The following TVP23A variants were observed in gnomAD, a reference collection of about 807,000 sequenced individuals.
TVP23A encodes Golgi apparatus membrane protein TVP23 homolog A.
In TVP23A, 21 loss-of-function variants were observed where a neutral mutation model predicts 31.7. That is an observed-to-expected ratio of 0.66 (90% CI 0.47 to 0.95). The LOEUF is 0.95. Among genes scored for constraint, TVP23A ranks in the 40% least tolerant of loss-of-function variants. TVP23A has a pLI of 0.00. For missense variants in TVP23A, 279 were observed against 255.6 expected, an observed-to-expected ratio of 1.09 and a Z score of -0.62; for synonymous variants, 104 against 96.0, an observed-to-expected ratio of 1.08 and a Z score of -0.49.
At chr16:10,810,062 T>A (rs1304114935) in intron 2 of TVP23A, among the ~76,000 whole-genome samples, 4 of 151,994 alleles carry the variant, frequency 2.6e-5, no homozygotes, top group African/African-American at 4.8e-5. Flanking sequence ...TCAAAAGGAA[T>A]GAAATAATGG....
chr16:10,794,614 G>T lies in TVP23A; in HGVS notation c.90-19518C>A, dbSNP rs554461458. The stretch of plus-strand genomic sequence containing the variant: ...ACACTGGTGCTCAGAGAGGTGACAT[G>T]AGCTTCCCCGAGTGGGAGTAAAGAA... On this transcript the variant is annotated intron_variant, in intron 2 of 7. Coordinates refer to ENST00000299866, the MANE Select transcript of TVP23A (RefSeq NM_001079512.4). Among the ~76,000 whole-genome samples the T allele has an allele frequency of 9.2e-5, 14 of 152,284 alleles. No homozygotes were observed. The East Asian group carries it at 2.7e-3, about 29-fold the overall frequency.
chr16:10,758,019 A>T (rs1428533069), downstream of TVP23A: 1 of 1,612,464 alleles, frequency 6.2e-7, no homozygotes, highest in Non-Finnish European at 8.5e-7. Flanking sequence ...GATCATCACC[A>T]CTCCCCAGGT....
At chr16:10,815,335 C>T (rs1202264402) in intron 2 of TVP23A, among the ~76,000 whole-genome samples, 2 of 152,174 alleles carry the variant, frequency 1.3e-5, no homozygotes, top group Non-Finnish European at 2.9e-5. Flanking sequence ...CTGCTTGAAC[C>T]CAAGAGGCAG....
chr16:10,766,964 TC>T lies in TVP23A; in HGVS notation c.*2137del. ...TCCTGACTCACTGGGCCATATGGGC[TC>T]CCCATCTCCCACCAACCCCTCCCCA... is the stretch of plus-strand genomic sequence containing the variant. On this transcript the variant is annotated 3_prime_UTR_variant, in exon 8 of 8. Transcript: ENST00000299866. The surrounding 1 kb of genome is among the most constrained non-coding windows in gnomAD (Gnocchi z 4.8). The T allele has an allele frequency of 2.5e-6, 1 of 398,646 alleles. No individual in the cohort carries two copies. Among genetic ancestry groups the T allele is most frequent in the Non-Finnish European group, 4.4e-6 (1 of 226,110 alleles). The allele number at this position is 398,646 out of a possible 1,614,324, so 24.7% of individuals were successfully genotyped here. A position where few individuals can be genotyped will look rare whatever the true frequency, so the allele number is the denominator to read the frequency against.
At chr16:10,762,714 T>A (rs2030154320), downstream of TVP23A, among the ~76,000 whole-genome samples, 1 of 151,820 alleles carries the variant, frequency 6.6e-6, no homozygotes, top group Admixed American at 6.6e-5. Flanking sequence ...ACTCCATTTG[T>A]CAGGGAACCA....
At chr16:10,804,839 T>C (rs767354692) in intron 2 of TVP23A, among the ~76,000 whole-genome samples, 1 of 152,186 alleles carries the variant, frequency 6.6e-6, no homozygotes, top group Non-Finnish European at 1.5e-5. Context: ...CATTTTAAAG[T>C]ACACACTCCA....
At chr16:10,772,343 T>A (rs935786826) in intron 5 of TVP23A, among the ~76,000 whole-genome samples, 1 of 152,170 alleles carries the variant, frequency 6.6e-6, no homozygotes, top group Admixed American at 6.5e-5. Flanking sequence ...ACTGTTGTTT[T>A]ACTATCTACA....
intron 2 of TVP23A, among the ~76,000 whole-genome samples, chr16:10,792,764 G>A (rs905951013): frequency 1.3e-5 from 2 of 152,202 alleles, no homozygotes; most frequent in African/African-American, 2.4e-5. Context: ...CTTCTGAAAC[G>A]GGCTTCTTAA....
intron 2 of TVP23A, among the ~76,000 whole-genome samples, chr16:10,796,704 C>A (rs1386021050): frequency 6.6e-6 from 1 of 152,138 alleles, no homozygotes; most frequent in African/African-American, 2.4e-5. Flanking sequence ...TCCCAAAGTG[C>A]TGGGATTACA....
At chr16:10,803,245 C>CTGTGTGTGTG (rs3040297) in intron 2 of TVP23A, among the ~76,000 whole-genome samples, 4,655 of 135,386 alleles carry the variant, frequency 0.034, 250 homozygotes, top group African/African-American at 0.1. Flanking sequence ...GATCGCGCCA[C>CTGTGTGTGTG]TGTGTGTGTG....
At chr16:10,810,433 G>A (rs976673230) in intron 2 of TVP23A, among the ~76,000 whole-genome samples, 7 of 151,888 alleles carry the variant, frequency 4.6e-5, no homozygotes, top group African/African-American at 1.7e-4. Context: ...TGTAGTCCCA[G>A]CTACTCAGGA....
chr16:10,805,053 T>C (rs1310502448), intron 2 of TVP23A, among the ~76,000 whole-genome samples: 2 of 152,110 alleles, frequency 1.3e-5, no homozygotes, highest in Non-Finnish European at 2.9e-5. Context: ...TCTTTCTTTT[T>C]TTCAGACAGA....
intron 2 of TVP23A, among the ~76,000 whole-genome samples, chr16:10,813,999 CAAAAAAAA>C (rs201277067): frequency 3.0e-4 from 15 of 49,516 alleles, no homozygotes; most frequent in South Asian, 1.3e-3. Flanking sequence ...AACTCCATCT[CAAAAAAAA>C]AAAAAAAAAA....
chr16:10,795,907 G>A (rs968148165), intron 2 of TVP23A, among the ~76,000 whole-genome samples: 6 of 152,034 alleles, frequency 3.9e-5, no homozygotes, highest in Non-Finnish European at 2.9e-5. Context: ...GAAAACACTC[G>A]GATCTGGATA....
At chr16:10,766,503 G>C (rs2030894938), downstream of TVP23A, among the ~76,000 whole-genome samples, 1 of 152,172 alleles carries the variant, frequency 6.6e-6, no homozygotes, top group Non-Finnish European at 1.5e-5. This position sits in a 1 kb window ranked among gnomAD's most constrained non-coding sequence, Gnocchi z 4.8. Flanking sequence ...GGGACAGAAA[G>C]TAGCCCCAGC....
At chr16:10,809,837 G>T (rs28407915) in intron 2 of TVP23A, among the ~76,000 whole-genome samples, 11 of 152,110 alleles carry the variant, frequency 7.2e-5, no homozygotes, top group Admixed American at 2.0e-4. Flanking sequence ...AACACAGCAC[G>T]GCTAAAACAG....
chr16:10,801,131 G>C (rs1475853936), intron 2 of TVP23A, among the ~76,000 whole-genome samples: 1 of 152,118 alleles, frequency 6.6e-6, no homozygotes, highest in African/African-American at 2.4e-5. Context: ...GAGTGGCAAA[G>C]AGAATGAAAG....
intron 2 of TVP23A, among the ~76,000 whole-genome samples, chr16:10,785,558 A>C (rs2142965440): frequency 6.6e-6 from 1 of 152,382 alleles, no homozygotes; most frequent in African/African-American, 2.4e-5. Context: ...TGAATATCTG[A>C]GACAGGTCTC....
chr16:10,816,891 A>G (rs1418614217), intron 2 of TVP23A, among the ~76,000 whole-genome samples: 2 of 149,968 alleles, frequency 1.3e-5, no homozygotes, highest in Non-Finnish European at 2.9e-5. Context: ...AAAAATAAAT[A>G]AAATAAAAAA....
Sources: gnomAD v4.1 joint callset for allele counts (sites outside exome capture counted in the v4.1 genomes callset) on GRCh38, gnomAD v4.1.1 for gene constraint, Gnocchi (gnomAD v3.1) non-coding constraint, MANE v1.5 for transcripts, NCBI Gene and HGNC (gene_info 2026-07-23, HGNC 2026-07-21) for gene names.